Variants in FGF14 observed in about 807,000 individuals in gnomAD.
FGF14 encodes the protein fibroblast growth factor 14.
A neutral mutation model predicts 25.5 loss-of-function variants in FGF14; 5 were observed. The observed-to-expected ratio is 0.20, with a 90% CI of 0.10 to 0.41. FGF14 has a LOEUF of 0.41. FGF14 is among the 10% of genes least tolerant of loss of function. FGF14 has a pLI of 1.00. For synonymous variants in FGF14, 138 were observed against 118.3 expected, an observed-to-expected ratio of 1.17 and a Z score of -1.08; for missense variants, 222 against 320.1, an observed-to-expected ratio of 0.69 and a Z score of 2.34.
At chr13:102,384,076 T>C (rs2058247909) in intron 1 of FGF14, among the ~76,000 whole-genome samples, 3 of 152,210 alleles carry the variant, frequency 2.0e-5, no homozygotes, top group African/African-American at 4.8e-5. Context: ...CAATGTTTGT[T>C]TTTTCTATAA....
intron 1 of FGF14, among the ~76,000 whole-genome samples, chr13:102,310,184 T>C (rs1031492451): frequency 7.9e-5 from 12 of 152,232 alleles, no homozygotes; most frequent in African/African-American, 2.2e-4. Context: ...GCTTTAATTC[T>C]AACAAGCCCA....
intron 1 of FGF14, among the ~76,000 whole-genome samples, chr13:102,339,144 T>C (rs1205329541): frequency 6.6e-6 from 1 of 152,062 alleles, no homozygotes; most frequent in African/African-American, 2.4e-5. Context: ...CCGTTTTCCA[T>C]GATGTGCAAA....
chr13:101,864,472 G>C (rs1193913554), intron 3 of FGF14, among the ~76,000 whole-genome samples: 3 of 152,038 alleles, frequency 2.0e-5, no homozygotes, highest in Non-Finnish European at 2.9e-5. Flanking sequence ...GTGAGGGAGG[G>C]TGACCCTTAC....
chr13:102,173,664 T>C (rs985020327), intron 1 of FGF14, among the ~76,000 whole-genome samples: 4 of 152,186 alleles, frequency 2.6e-5, no homozygotes, highest in Non-Finnish European at 5.9e-5. Context: ...TGAAATTCTG[T>C]CATTTGTTAG....
intron 1 of FGF14, among the ~76,000 whole-genome samples, chr13:102,228,751 T>C (rs1952608): frequency 0.82 from 124,782 of 152,126 alleles, 51,792 homozygotes; most frequent in African/African-American, 0.95. Flanking sequence ...AATGCTAGTA[T>C]CAGAATTTTT....
intron 1 of FGF14, among the ~76,000 whole-genome samples, chr13:102,130,627 G>T (rs2046155635): frequency 6.6e-6 from 1 of 152,006 alleles, no homozygotes; most frequent in Non-Finnish European, 1.5e-5. Context: ...GACACATTTT[G>T]GCAATGACGG....
At chr13:101,856,291 A>T (rs1248467706) in intron 3 of FGF14, among the ~76,000 whole-genome samples, 1 of 151,882 alleles carries the variant, frequency 6.6e-6, no homozygotes, top group East Asian at 1.9e-4. Context: ...TGCTAGAAAT[A>T]TAGATTTCTA....
intron 1 of FGF14, among the ~76,000 whole-genome samples, chr13:102,171,449 T>C (rs528628555): frequency 9.8e-5 from 15 of 152,308 alleles, no homozygotes; most frequent in African/African-American, 3.4e-4. Flanking sequence ...CATCTAGGTA[T>C]AAAAGGAAGT....
chr13:102,401,718 TC>T lies in FGF14; in HGVS notation c.-41del, dbSNP rs750921839. On this transcript the variant is annotated 5_prime_UTR_variant, in exon 1 of 5. Transcript: ENST00000376131. ...TATTCCGGATCTTCTCCCAGTTTTT[TC>T]CCCTCACGTGGTATATTTCTTTGAG... The T allele has an allele frequency of 2.6e-6, 4 of 1,543,574 alleles. No homozygotes were observed. The Admixed American group carries it at 5.1e-5, about 20-fold the overall frequency.
intron 1 of FGF14, among the ~76,000 whole-genome samples, chr13:102,183,870 A>G (rs1594316148): frequency 6.6e-6 from 1 of 152,316 alleles, no homozygotes; most frequent in African/African-American, 2.4e-5. Context: ...ATGTAAAATA[A>G]GAACCATCGC....
intron 1 of FGF14, among the ~76,000 whole-genome samples, chr13:102,088,799 ATAT>A (rs1286243334): frequency 6.6e-6 from 1 of 152,156 alleles, no homozygotes; most frequent in Non-Finnish European, 1.5e-5. Flanking sequence ...ATCATAGCAA[ATAT>A]TATAGAAAAT....
intron 1 of FGF14, among the ~76,000 whole-genome samples, chr13:102,157,352 C>A (rs1233031830): frequency 2.6e-5 from 4 of 152,108 alleles, no homozygotes. Context: ...GAAATAATGC[C>A]ACATATTTAC....
intron 1 of FGF14, among the ~76,000 whole-genome samples, chr13:102,150,861 T>C (rs758537391): frequency 5.9e-5 from 9 of 152,174 alleles, no homozygotes; most frequent in Non-Finnish European, 1.3e-4. Context: ...TTGCAAAGCA[T>C]AGGACAGCCC....
At chr13:102,368,555 G>C (rs1232986760) in intron 1 of FGF14, among the ~76,000 whole-genome samples, 1 of 152,134 alleles carries the variant, frequency 6.6e-6, no homozygotes, top group Non-Finnish European at 1.5e-5. Context: ...GAGTCCCTGA[G>C]AAGCTAACAT....
At chr13:102,161,628 G>GAAC (rs1388567623) in intron 1 of FGF14, among the ~76,000 whole-genome samples, 5 of 6,240 alleles carry the variant, frequency 8.0e-4, no homozygotes, top group Non-Finnish European at 2.9e-4. Context: ...AGAAGAAGAA[G>GAAC]AAGAAGAAGA....
intron 1 of FGF14, among the ~76,000 whole-genome samples, chr13:102,223,846 G>A (rs553819339): frequency 6.6e-6 from 1 of 152,234 alleles, no homozygotes; most frequent in East Asian, 1.9e-4. Flanking sequence ...CTGGATGACA[G>A]AGCAAGACGC....
intron 1 of FGF14, among the ~76,000 whole-genome samples, chr13:101,954,569 T>C (rs1235801442): frequency 6.6e-6 from 1 of 152,252 alleles, no homozygotes; most frequent in East Asian, 1.9e-4. Flanking sequence ...TTCATCCTTC[T>C]GTTGGTTGTT....
intron 3 of FGF14, among the ~76,000 whole-genome samples, chr13:101,760,706 T>C (rs2037968085): frequency 1.3e-5 from 2 of 152,346 alleles, no homozygotes; most frequent in South Asian, 2.1e-4. Context: ...TCACCTGATA[T>C]AGTATTTTCT....
chr13:101,734,219 A>T (rs1335965889), intron 3 of FGF14, among the ~76,000 whole-genome samples: 1 of 152,184 alleles, frequency 6.6e-6, no homozygotes, highest in East Asian at 1.9e-4. Context: ...ATATTGGCAT[A>T]TATTCTCATT....
Sources: gnomAD v4.1 joint callset for allele counts (sites outside exome capture counted in the v4.1 genomes callset) on GRCh38, gnomAD v4.1.1 for gene constraint, MANE v1.5 for transcripts, NCBI Gene and HGNC (gene_info 2026-07-23, HGNC 2026-07-21) for gene names.